Variants in MAML2 observed in about 807,000 individuals in gnomAD.
MAML2 encodes the protein mastermind-like protein 2.
A neutral mutation model predicts 96.1 loss-of-function variants in MAML2; 22 were observed. The observed-to-expected ratio is 0.23, with a 90% CI of 0.16 to 0.33. The LOEUF (loss-of-function observed/expected upper bound fraction) is 0.33. Ranked by LOEUF, MAML2 falls within the 10% of genes least tolerant of loss-of-function variation. The probability of loss-of-function intolerance (pLI) is 1.00; values close to 1 mark genes in which losing one functional copy is unlikely to be tolerated. For missense variants in MAML2, 1,367 were observed against 1,392.4 expected (o/e 0.98, Z 0.29); for synonymous variants, 561 against 521.3 (o/e 1.08, Z -1.04).
chr11:96,135,660 T>C (rs985137223), intron 1 of MAML2, among the ~76,000 whole-genome samples: 1 of 152,074 alleles, frequency 6.6e-6, no homozygotes, highest in African/African-American at 2.4e-5. Context: ...CAGCTTTTTC[T>C]TACAATTTGT....
intron 1 of MAML2, among the ~76,000 whole-genome samples, chr11:96,175,471 G>A (rs952136084): frequency 7.2e-5 from 11 of 152,212 alleles, no homozygotes; most frequent in Admixed American, 7.2e-4. Context: ...ATCAGAAGAC[G>A]TGGGTTTACC....
At chr11:96,263,397 A>G (rs1345257210) in intron 1 of MAML2, among the ~76,000 whole-genome samples, 1 of 152,268 alleles carries the variant, frequency 6.6e-6, no homozygotes, top group Non-Finnish European at 1.5e-5. Flanking sequence ...TTACAATTCA[A>G]CAATTTAACA....
intron 1 of MAML2, among the ~76,000 whole-genome samples, chr11:96,099,508 A>T (rs1284641258): frequency 6.6e-6 from 1 of 152,176 alleles, no homozygotes; most frequent in Non-Finnish European, 1.5e-5. Context: ...GGTTTGCCCA[A>T]CCAGATTTTA....
intron 1 of MAML2, among the ~76,000 whole-genome samples, chr11:96,240,422 C>T (rs933867095): frequency 1.4e-4 from 21 of 151,218 alleles, no homozygotes; most frequent in African/African-American, 4.1e-4. Flanking sequence ...CGGTGGCGGG[C>T]GCCTGTAGTC....
Position 96,080,704 on chromosome 11 carries a change from G to A in MAML2, c.2139+11188C>T, listed in dbSNP as rs569271694. Among the ~76,000 whole-genome samples, 14 of 152,294 alleles carry A rather than the reference G, an allele frequency of 9.2e-5. No individual in the cohort carries two copies. The South Asian group carries it at 1.9e-3, about 20-fold the overall frequency. On this transcript the variant is annotated intron_variant, in intron 2 of 4. Coordinates refer to ENST00000524717, the MANE Select transcript of MAML2 (RefSeq NM_032427.4). The stretch of plus-strand genomic sequence containing the variant: ...TATAGGCAATGATTAAGTATTTGCC[G>A]AATGATAAATAACTACACCAATTGC...
intron 1 of MAML2, among the ~76,000 whole-genome samples, chr11:96,156,469 T>C (rs1277062750): frequency 6.6e-6 from 1 of 152,168 alleles, no homozygotes; most frequent in African/African-American, 2.4e-5. Flanking sequence ...TGCCCCTGGA[T>C]AGCACCCGTT....
At chr11:96,008,588 G>A (rs936142282) in intron 2 of MAML2, among the ~76,000 whole-genome samples, 3 of 152,090 alleles carry the variant, frequency 2.0e-5, no homozygotes, top group African/African-American at 7.2e-5. Flanking sequence ...TTTAGAATTT[G>A]AAAATATTGT....
chr11:95,982,495 A>G (rs1195533403), intron 4 of MAML2, among the ~76,000 whole-genome samples: 1 of 152,128 alleles, frequency 6.6e-6, no homozygotes, highest in Non-Finnish European at 1.5e-5. Flanking sequence ...GAGACTAGTG[A>G]TGTGGTAGCT....
At chr11:96,254,137 G>C (rs1370649852) in intron 1 of MAML2, among the ~76,000 whole-genome samples, 1 of 151,866 alleles carries the variant, frequency 6.6e-6, no homozygotes, top group Non-Finnish European at 1.5e-5. Context: ...TTAAGCAGTG[G>C]CAAATCTACA....
chr11:96,226,760 A>T (rs964284739), intron 1 of MAML2, among the ~76,000 whole-genome samples: 1 of 152,220 alleles, frequency 6.6e-6, no homozygotes, highest in Non-Finnish European at 1.5e-5. Context: ...GACATTTATT[A>T]TTATTCTTAT....
chr11:96,296,425 C>T lies in MAML2; in HGVS notation c.513+44958G>A, dbSNP rs115274441. 7.2e-4 allele frequency among the ~76,000 whole-genome samples: 110 copies of T among 152,110 alleles called. 1 individual carries two copies. Among genetic ancestry groups the T allele is most frequent in the African/African-American group, 2.4e-3 (99 of 41,492 alleles). On this transcript the variant is annotated intron_variant, in intron 1 of 4. Coordinates refer to ENST00000524717, the MANE Select transcript of MAML2 (RefSeq NM_032427.4). ...TTTGGGAGGCAGAGGCGAGCGGATCCGAGGCTAGGAGTTCGAGACCAGCCT... is the reference window on the plus strand; with the variant it reads ...TTTGGGAGGCAGAGGCGAGCGGATCTGAGGCTAGGAGTTCGAGACCAGCCT...
chr11:96,015,754 A>T (rs1005929498), intron 2 of MAML2, among the ~76,000 whole-genome samples: 4 of 152,184 alleles, frequency 2.6e-5, no homozygotes, highest in Non-Finnish European at 4.4e-5. Context: ...ACTTAGACAG[A>T]CCTGGGTTTA....
intron 1 of MAML2, among the ~76,000 whole-genome samples, chr11:96,295,311 A>G (rs1259950276): frequency 6.6e-6 from 1 of 152,232 alleles, no homozygotes; most frequent in East Asian, 1.9e-4. Flanking sequence ...AGTCAGGATT[A>G]AAATGCTTTT....
intron 1 of MAML2, among the ~76,000 whole-genome samples, chr11:96,252,921 G>A (rs530684525): frequency 6.6e-6 from 1 of 152,310 alleles, no homozygotes; most frequent in East Asian, 1.9e-4. Context: ...TGGTTAAAGG[G>A]CGTAATGGGA....
chr11:96,341,779 G>A lies in MAML2; in HGVS notation c.117C>T (p.Arg39=). The A allele has an allele frequency of 6.2e-7, 1 of 1,611,116 alleles. No individual in the cohort carries two copies. Among genetic ancestry groups the A allele is most frequent in the Non-Finnish European group, 8.5e-7 (1 of 1,179,398 alleles). ...GGCAGACAGCGATCCGAGCCCGGAG[G>A]CGCTCCACGATAGCACTGTGCACTC... is the stretch of plus-strand genomic sequence containing the variant. ...TPRVHSAIVE[R]LRARIAVCRQ... is the part of the protein sequence containing the mutation. Residue 39 remains arginine (R), a synonymous_variant, in exon 1 of 5, where the codon CGC becomes CGT. Coordinates refer to ENST00000524717, the MANE Select transcript of MAML2 (RefSeq NM_032427.4).
chr11:96,110,043 G>C (rs2135830938), intron 1 of MAML2, among the ~76,000 whole-genome samples: 1 of 152,298 alleles, frequency 6.6e-6, no homozygotes, highest in East Asian at 1.9e-4. Flanking sequence ...AAAAAGAAGA[G>C]AGTGTTTCAA....
At chr11:96,236,663 G>C (rs574620316) in intron 1 of MAML2, among the ~76,000 whole-genome samples, 2 of 152,118 alleles carry the variant, frequency 1.3e-5, no homozygotes, top group African/African-American at 4.8e-5. Flanking sequence ...GAAGCCGCTT[G>C]AGAGTTTTTA....
Position 96,323,359 on chromosome 11 carries a change from C to T in MAML2, c.513+18024G>A, listed in dbSNP as rs1863733437. ...CCTTCTAGCCAAAGAGAATTTCCCT[C>T]AGAATATTCACCACAGTAATGGTAT... is the stretch of plus-strand genomic sequence containing the variant. On this transcript the variant is annotated intron_variant, in intron 1 of 4. Transcript: ENST00000524717. Among the ~76,000 whole-genome samples the T allele has an allele frequency of 2.0e-5, 3 of 151,826 alleles. No individual in the cohort carries two copies. In the South Asian group the frequency reaches 6.2e-4, roughly 31 times the overall value.
At chr11:95,992,167 T>C (rs568647466) in intron 2 of MAML2, among the ~76,000 whole-genome samples, 1 of 152,318 alleles carries the variant, frequency 6.6e-6, no homozygotes, top group East Asian at 1.9e-4. Context: ...TGAAACTATT[T>C]TGGACAGAAG....
Sources: gnomAD v4.1 joint callset for allele counts (sites outside exome capture counted in the v4.1 genomes callset) on GRCh38, gnomAD v4.1.1 for gene constraint, MANE v1.5 for transcripts, NCBI Gene and HGNC (gene_info 2026-07-23, HGNC 2026-07-21) for gene names.